Variants in ENO4 observed in about 807,000 individuals in gnomAD.
ENO4 encodes 2-phospho-D-glycerate hydro-lyase.
A neutral mutation model predicts 63.2 loss-of-function variants in ENO4; 53 were observed. That is an observed-to-expected ratio of 0.84 (90% CI 0.67 to 1.05). The LOEUF is 1.05. Among genes scored for constraint, ENO4 ranks in the 50% least tolerant of loss-of-function variants. The pLI is 0.00. For synonymous variants in ENO4, 266 were observed against 283.8 expected (o/e 0.94, Z 0.63); for missense variants, 719 against 772.0 (o/e 0.93, Z 0.81).
intron 1 of ENO4, among the ~76,000 whole-genome samples, chr10:116,853,769 G>A (rs528530388): frequency 6.6e-6 from 1 of 152,302 alleles, no homozygotes; most frequent in East Asian, 1.9e-4. Flanking sequence ...AGAATCCACG[G>A]ATAGCTTGAA....
chr10:116,888,262 C>T (rs184171394), intron 10 of ENO4, among the ~76,000 whole-genome samples: 3 of 152,312 alleles, frequency 2.0e-5, no homozygotes, highest in African/African-American at 7.2e-5. Flanking sequence ...TGCCGCTATG[C>T]TTTGGGAATC....
rs1390213830 is a variant in ENO4 at position 116,879,336 on chromosome 10, C to T, written c.1583C>T (p.Ser528Phe). The change falls in exon 12 of 14, where the codon TCT (serine) becomes TTT (phenylalanine). Residue 528 changes from serine to phenylalanine, a missense_variant. Physicochemically the swap from Ser to Phe is radical, Grantham distance 155. This residue lies in a region of ENO4 where 168 missense variants were observed against 163.3 expected (regional missense o/e 1.03). Coordinates refer to ENST00000341276, the MANE Select transcript of ENO4 (RefSeq NM_001242699.2). ...TTTGGAAGTACAGAAGGAGAATCAT[C>T]TGATGACAGCCTTGTCGATTTGGTA... ...TVFGSTEGES[S>F]DDSLVDLAVG... 6 of 1,550,404 alleles carry T rather than the reference C, an allele frequency of 3.9e-6. No individual in the cohort carries two copies. Among genetic ancestry groups the T allele is most frequent in the Non-Finnish European group, 5.2e-6 (6 of 1,146,754 alleles).
chr10:116,890,181 T>G (rs534817727), intron 10 of ENO4, among the ~76,000 whole-genome samples: 1 of 96,604 alleles, frequency 1.0e-5, no homozygotes, highest in Admixed American at 1.1e-4. Context: ...TTTTCTACTT[T>G]AATGCAACCT....
rs1284515281 is a variant in ENO4 at position 116,879,264 on chromosome 10, T to A, written c.1538-27T>A. 3.9e-6 allele frequency: 6 copies of A among 1,527,128 alleles called. No homozygotes were observed. In the East Asian group the frequency reaches 1.5e-4, roughly 37 times the overall value. The allele number at this position is 1,527,128 out of a possible 1,614,324, so 94.6% of individuals were successfully genotyped here. A position where few individuals can be genotyped will look rare whatever the true frequency, so the allele number is the denominator to read the frequency against. ...ATGTATCCTAACTTTCTACACCATATAAAACTGAAAGAAATTCCTCTTCCA... is the reference window on the plus strand; with the variant it reads ...ATGTATCCTAACTTTCTACACCATAAAAAACTGAAAGAAATTCCTCTTCCA... On this transcript the variant is annotated intron_variant, in intron 11 of 13. Coordinates refer to ENST00000341276, the MANE Select transcript of ENO4 (RefSeq NM_001242699.2).
At chr10:116,853,314 A>G (rs1276744737) in intron 1 of ENO4, among the ~76,000 whole-genome samples, 1 of 150,716 alleles carries the variant, frequency 6.6e-6, no homozygotes, top group African/African-American at 2.5e-5. Context: ...AAAAAAAAAA[A>G]CCAAAGCAGT....
intron 10 of ENO4, chr10:116,900,573 C>T (rs1311740255): frequency 1.3e-6 from 2 of 1,533,126 alleles, no homozygotes; most frequent in African/African-American, 1.4e-5. Context: ...AAAATCTATA[C>T]ACACACACTG....
intron 10 of ENO4, chr10:116,900,814 G>C (rs1256034549): frequency 1.0e-6 from 1 of 985,214 alleles, no homozygotes; most frequent in African/African-American, 1.7e-5. Context: ...AGTGAAATTA[G>C]ATAAAACTGT....
chr10:116,859,102 C>A lies in ENO4; in HGVS notation c.598C>A (p.Pro200Thr). The change falls in exon 4 of 14, where the codon CCT (proline) becomes ACT (threonine). Residue 200 changes from proline to threonine, a missense_variant. Around this residue, in one of 3 missense-constraint regions of ENO4, gnomAD observed 544 missense variants for 583.6 expected, o/e 0.93. Coordinates refer to ENST00000341276, the MANE Select transcript of ENO4 (RefSeq NM_001242699.2). ...PLPPVPPPPPPPPPTKKKGQK... is the reference protein window; with the variant it reads ...PLPPVPPPPPTPPPTKKKGQK... ...ACCTCCAGTACCACCACCACCACCCCCTCCACCTCCTACCAAAAAAAAGGG... is the reference window on the plus strand; with the variant it reads ...ACCTCCAGTACCACCACCACCACCCACTCCACCTCCTACCAAAAAAAAGGG... 1 of 1,533,312 alleles carries A rather than the reference C, an allele frequency of 6.5e-7. No homozygotes were observed. Among genetic ancestry groups the A allele is most frequent in the Non-Finnish European group, 8.7e-7 (1 of 1,145,606 alleles). The allele number at this position is 1,533,312 out of a possible 1,614,324, so 95.0% of individuals were successfully genotyped here. A position where few individuals can be genotyped will look rare whatever the true frequency, so the allele number is the denominator to read the frequency against.
intron 10 of ENO4, among the ~76,000 whole-genome samples, chr10:116,909,704 T>C (rs1183389390): frequency 2.0e-5 from 3 of 152,266 alleles, no homozygotes; most frequent in Admixed American, 6.5e-5. Context: ...GAAAATAGAA[T>C]AGGGGTTTGA....
intron 6 of ENO4, among the ~76,000 whole-genome samples, 182 bp downstream of exon 6, chr10:116,861,372 G>A (rs1384793392): frequency 6.6e-6 from 1 of 152,092 alleles, no homozygotes; most frequent in Non-Finnish European, 1.5e-5. Context: ...CACATGCAGA[G>A]CAACTTAGAT....
At chr10:116,880,397 A>G (rs1220530293) in intron 13 of ENO4, among the ~76,000 whole-genome samples, 1 of 152,252 alleles carries the variant, frequency 6.6e-6, no homozygotes, top group African/African-American at 2.4e-5. Flanking sequence ...TAATTTTAAC[A>G]TACCTTGGAA....
intron 10 of ENO4, among the ~76,000 whole-genome samples, chr10:116,894,029 T>TCA (rs1183372200): frequency 1.3e-5 from 2 of 151,966 alleles, no homozygotes; most frequent in African/African-American, 4.8e-5. Flanking sequence ...CAGTTAGAGG[T>TCA]CAAACAATGA....
At chr10:116,905,172 G>A (rs968309190) in intron 10 of ENO4, among the ~76,000 whole-genome samples, 4 of 143,394 alleles carry the variant, frequency 2.8e-5, no homozygotes, top group East Asian at 2.1e-4. Context: ...ACTGCAGTCC[G>A]CAGTCCAGCC....
At chr10:116,882,730 C>G (rs549594066), downstream of ENO4, 1 of 152,282 alleles carries the variant, frequency 6.6e-6, no homozygotes, top group Non-Finnish European at 1.5e-5. Flanking sequence ...TTCCTCATAA[C>G]AGAGCCAACT....
chr10:116,904,019 A>G (rs1847860265), intron 10 of ENO4, among the ~76,000 whole-genome samples: 1 of 152,220 alleles, frequency 6.6e-6, no homozygotes, highest in South Asian at 2.1e-4. Context: ...AATCCTAAGG[A>G]AAAGGGTACA....
At chr10:116,911,812 A>G, downstream of ENO4, 1 of 1,613,004 alleles carries the variant, frequency 6.2e-7, no homozygotes, top group Non-Finnish European at 8.5e-7. Context: ...TAGTTCATCC[A>G]CTGCACTTTC....
At chr10:116,866,137 A>G (rs1329975084) in intron 7 of ENO4, among the ~76,000 whole-genome samples, 1 of 152,222 alleles carries the variant, frequency 6.6e-6, no homozygotes, top group Non-Finnish European at 1.5e-5. Context: ...TTCTTCAAAC[A>G]CTTTTATAGT....
intron 6 of ENO4, among the ~76,000 whole-genome samples, chr10:116,861,939 T>C (rs1400080106): frequency 6.6e-6 from 1 of 152,206 alleles, no homozygotes; most frequent in African/African-American, 2.4e-5. Flanking sequence ...ATCTGGCTTA[T>C]CATCTGTCAG....
chr10:116,911,506 A>G (rs1403335333), exon 11 of ENO4: 2 of 1,550,532 alleles, frequency 1.3e-6, no homozygotes, highest in Admixed American at 2.0e-5. Context: ...CAGCCACTTC[A>G]TCTTCAAGCT....
Sources: gnomAD v4.1 joint callset for allele counts (sites outside exome capture counted in the v4.1 genomes callset) on GRCh38, gnomAD v4.1.1 for gene constraint, gnomAD v4.1.1 regional missense constraint, MANE v1.5 for transcripts, NCBI Gene and HGNC (gene_info 2026-07-23, HGNC 2026-07-21) for gene names.